PLCB1: variants seen among roughly 807,000 people sequenced by gnomAD.
PLCB1 encodes 1-phosphatidylinositol 4,5-bisphosphate phosphodiesterase beta-1.
Under a neutral mutation model 161.8 loss-of-function variants are expected in PLCB1, and 46 were observed. The ratio of observed to expected loss-of-function variants is 0.28; its 90% CI spans 0.22 to 0.36. The LOEUF (loss-of-function observed/expected upper bound fraction) is 0.36, where lower values mean the gene tolerates loss of function less well. Among genes scored for constraint, PLCB1 ranks in the 10% least tolerant of loss-of-function variants. The pLI, the probability that PLCB1 is intolerant of heterozygous loss-of-function variation, is 1.00. For missense variants in PLCB1, 1,016 were observed against 1,472.5 expected (o/e 0.69, Z 5.07); for synonymous variants, 517 against 503.7 (o/e 1.03, Z -0.35).
chr20:8,698,113 GCTTTAA>G (rs1333348229), intron 11 of PLCB1, among the ~76,000 whole-genome samples: 11 of 152,120 alleles, frequency 7.2e-5, no homozygotes, highest in African/African-American at 2.7e-4. Flanking sequence ...TTATTTCTAT[GCTTTAA>G]CTAATGGCTA....
At chr20:8,330,673 A>G (rs1006228030) in intron 2 of PLCB1, among the ~76,000 whole-genome samples, 4 of 152,224 alleles carry the variant, frequency 2.6e-5, no homozygotes, top group African/African-American at 9.6e-5. Flanking sequence ...GGATCCTGCA[A>G]AGTCAGCAGA....
intron 2 of PLCB1, among the ~76,000 whole-genome samples, chr20:8,236,719 T>G (rs1980347670): frequency 6.6e-6 from 1 of 152,000 alleles, no homozygotes; most frequent in Non-Finnish European, 1.5e-5. Flanking sequence ...AACTGGAATA[T>G]TTTTGCAAAA....
intron 23 of PLCB1, among the ~76,000 whole-genome samples, chr20:8,745,892 T>C (rs956169789): frequency 3.3e-5 from 5 of 152,186 alleles, no homozygotes; most frequent in African/African-American, 9.7e-5. Context: ...CTGGTAACAT[T>C]TTTAATGTAT....
intron 2 of PLCB1, among the ~76,000 whole-genome samples, chr20:8,233,165 C>G (rs1211118112): frequency 1.3e-5 from 2 of 152,146 alleles, no homozygotes; most frequent in African/African-American, 2.4e-5. Flanking sequence ...GTCATTTATT[C>G]AATCCCATCA....
At chr20:8,423,292 A>C (rs1312275590) in intron 3 of PLCB1, among the ~76,000 whole-genome samples, 4 of 152,202 alleles carry the variant, frequency 2.6e-5, no homozygotes, top group African/African-American at 9.6e-5. Context: ...TGAATGAATG[A>C]ATAAAGGAAT....
chr20:8,143,283 C>T (rs1204348862), intron 1 of PLCB1, among the ~76,000 whole-genome samples: 1 of 152,164 alleles, frequency 6.6e-6, no homozygotes, highest in African/African-American at 2.4e-5. Flanking sequence ...CTGCCCTCAC[C>T]ACTACTTTGA....
chr20:8,176,999 T>C (rs1167702275), intron 2 of PLCB1, among the ~76,000 whole-genome samples: 1 of 152,186 alleles, frequency 6.6e-6, no homozygotes, highest in African/African-American at 2.4e-5. Context: ...TATAATATTA[T>C]GTTTATAGAA....
At chr20:8,337,526 A>G (rs1183912294) in intron 2 of PLCB1, among the ~76,000 whole-genome samples, 1 of 152,194 alleles carries the variant, frequency 6.6e-6, no homozygotes, top group Non-Finnish European at 1.5e-5. Flanking sequence ...TGTAATTTCT[A>G]ACTTATTTAT....
chr20:8,736,532 A>G (rs1211170024), intron 19 of PLCB1, among the ~76,000 whole-genome samples: 2 of 152,194 alleles, frequency 1.3e-5, no homozygotes, highest in African/African-American at 2.4e-5. Context: ...TCACACTGCT[A>G]TAAAGAACTA....
Position 8,274,203 on chromosome 20 carries a change from T to C in PLCB1, c.178-97179T>C, listed in dbSNP as rs115722091. ...CATTTGTGTTTGTATGTGTGTCAAA[T>C]AGTGAAAAAAATCACAAAATCAGAG... On this transcript the variant is annotated intron_variant, in intron 2 of 31. Transcript: ENST00000338037. Among the ~76,000 whole-genome samples, 720 of 152,208 alleles carry C rather than the reference T, an allele frequency of 4.7e-3. 8 individuals are homozygous for C. The highest frequency in any genetic ancestry group is 0.015 in the African/African-American group (642 of 41,544).
chr20:8,516,021 G>A (rs569936245), intron 3 of PLCB1, among the ~76,000 whole-genome samples: 4 of 152,286 alleles, frequency 2.6e-5, no homozygotes, highest in African/African-American at 7.2e-5. Context: ...GCAAGGGGGC[G>A]TAAGGAGGGG....
rs144265754 is a variant in PLCB1, at chr20:8,469,556, C to G, written c.246+98106C>G. Among the ~76,000 whole-genome samples, 1,310 of 151,770 alleles carry G rather than the reference C, an allele frequency of 8.6e-3. 19 individuals carry two copies. Among genetic ancestry groups the G allele is most frequent in the African/African-American group, 0.029 (1,210 of 41,172 alleles). On this transcript the variant is annotated intron_variant, in intron 3 of 31. Transcript: ENST00000338037. ...TTTGTCAGTGTAACCCTACTGAGTT[C>G]CAGCTTCTTTTTTAAAAAAAAGTAC...
chr20:8,635,339 T>C (rs1407870859), intron 4 of PLCB1, among the ~76,000 whole-genome samples: 1 of 152,132 alleles, frequency 6.6e-6, no homozygotes, highest in Non-Finnish European at 1.5e-5. Flanking sequence ...TTTTGAACTC[T>C]TGAAAATAAG....
rs79376764 is a variant in PLCB1 at position 8,536,611 on chromosome 20, C to T, written c.247-91683C>T. 5.9e-4 allele frequency among the ~76,000 whole-genome samples: 90 copies of T among 152,186 alleles called. 1 individual carries two copies. In the East Asian group the frequency reaches 0.016, roughly 27 times the overall value. ...GACATCCCAGGTGATCATCACTCAC[C>T]GGCCCCATATCTCCGTGCTCCTATC... On this transcript the variant is annotated intron_variant, in intron 3 of 31. Coordinates refer to ENST00000338037, the MANE Select transcript of PLCB1 (RefSeq NM_015192.4).
intron 3 of PLCB1, chr20:8,625,295 A>T (rs900653693): frequency 1.3e-5 from 2 of 152,152 alleles, no homozygotes; most frequent in Admixed American, 6.5e-5. Context: ...TCTGAAAACA[A>T]CTGAGGACAA....
chr20:8,809,608 C>A (rs1292878048), intron 31 of PLCB1, among the ~76,000 whole-genome samples: 1 of 152,134 alleles, frequency 6.6e-6, no homozygotes, highest in African/African-American at 2.4e-5. Context: ...CAAACCTTAC[C>A]CTCTTTCATG....
At chr20:8,538,191 G>A (rs2249086) in intron 3 of PLCB1, among the ~76,000 whole-genome samples, 95,797 of 151,498 alleles carry the variant, frequency 0.63, 30,978 homozygotes, top group African/African-American at 0.77. Context: ...CAAGACAATT[G>A]AAATATTCAC....
intron 4 of PLCB1, among the ~76,000 whole-genome samples, chr20:8,633,190 A>G (rs1177242707): frequency 6.6e-6 from 1 of 151,922 alleles, no homozygotes; most frequent in East Asian, 1.9e-4. Flanking sequence ...TATGGATTTT[A>G]TGTTGCATGT....
intron 2 of PLCB1, among the ~76,000 whole-genome samples, chr20:8,241,025 T>G (rs1474937): frequency 0.67 from 101,216 of 151,674 alleles, 34,028 homozygotes; most frequent in East Asian, 0.93. Context: ...CTTGTCTGTT[T>G]TAGGTTATTT....
Sources: allele counts gnomAD v4.1 joint callset (sites outside exome capture counted in the v4.1 genomes callset), GRCh38; gene constraint gnomAD v4.1.1; transcripts MANE v1.5; gene names NCBI Gene and HGNC (gene_info 2026-07-23, HGNC 2026-07-21).